PVT1: variants seen among roughly 807,000 people sequenced by gnomAD.
The protein encoded by PVT1 is Pvt1 oncogene.
intron 5 of PVT1, among the ~76,000 whole-genome samples, chr8:128,094,474 G>C (rs1239464799): frequency 6.6e-6 from 1 of 152,202 alleles, no homozygotes; most frequent in African/African-American, 2.4e-5. Context: ...GGTGTGTGCA[G>C]AGCTTTCACT....
chr8:127,872,451 T>C (rs569242272), intron 2 of PVT1, among the ~76,000 whole-genome samples: 46 of 152,202 alleles, frequency 3.0e-4, no homozygotes, highest in Middle Eastern at 3.4e-3. Flanking sequence ...AATTGGATTG[T>C]TCGTAACACA....
chr8:127,813,551 C>T (rs907130447), intron 2 of PVT1, among the ~76,000 whole-genome samples: 3 of 152,158 alleles, frequency 2.0e-5, no homozygotes, highest in African/African-American at 7.2e-5. Flanking sequence ...GACCCATGTC[C>T]GCTTTTGTCT....
intron 3 of PVT1, among the ~76,000 whole-genome samples, chr8:127,944,399 G>T (rs952135043): frequency 5.9e-5 from 9 of 152,268 alleles, no homozygotes; most frequent in Admixed American, 5.9e-4. Flanking sequence ...CCACTTGCTA[G>T]CCATGGTGAG....
At chr8:128,028,934 C>T (rs1310774933) in intron 4 of PVT1, among the ~76,000 whole-genome samples, 1 of 152,158 alleles carries the variant, frequency 6.6e-6, no homozygotes, top group East Asian at 1.9e-4. Flanking sequence ...CCTTGACCTC[C>T]TGGGCTCAAG....
At chr8:127,836,859 G>A (rs576339266) in intron 2 of PVT1, among the ~76,000 whole-genome samples, 12 of 152,226 alleles carry the variant, frequency 7.9e-5, no homozygotes, top group Non-Finnish European at 1.0e-4. Context: ...GCACTGCACC[G>A]AGAGGGGCTG....
chr8:127,848,608 G>A (rs1334314393), intron 2 of PVT1, among the ~76,000 whole-genome samples: 3 of 152,096 alleles, frequency 2.0e-5, no homozygotes, highest in African/African-American at 7.2e-5. Flanking sequence ...GCTTGAACCC[G>A]GGAGGCAGAG....
At chr8:128,001,825 C>T (rs145898289) in intron 4 of PVT1, among the ~76,000 whole-genome samples, 2 of 152,292 alleles carry the variant, frequency 1.3e-5, no homozygotes, top group African/African-American at 4.8e-5. Flanking sequence ...ACCGCGTCCT[C>T]ACATGGAGGA....
Position 127,797,682 on chromosome 8 carries a change from G to A in PVT1, n.372+1611G>A, listed in dbSNP as rs183505230. ...ACAATAATAGTGCATGTATAACATG[G>A]ACATTGTTTATCACGCAAAGCATGT... On this transcript the variant is annotated intron_variant and non_coding_transcript_variant, in intron 2 of 10. Coordinates refer to ENST00000651587, the Ensembl canonical transcript of PVT1. 2.6e-5 allele frequency among the ~76,000 whole-genome samples: 4 copies of A among 152,202 alleles called. No individual in the cohort carries two copies. The East Asian group carries it at 7.7e-4, about 29-fold the overall frequency.
chr8:128,041,898 T>C (rs1317316681), intron 4 of PVT1, among the ~76,000 whole-genome samples: 4 of 152,228 alleles, frequency 2.6e-5, no homozygotes, highest in African/African-American at 9.6e-5. Flanking sequence ...TGACTGATGC[T>C]TTGCAGTTCC....
intron 3 of PVT1, among the ~76,000 whole-genome samples, chr8:127,936,487 G>A (rs1353639754): frequency 6.6e-6 from 1 of 152,284 alleles, no homozygotes; most frequent in African/African-American, 2.4e-5. Flanking sequence ...GAAAGGTGGT[G>A]CTGGGTGTGG....
At chr8:127,877,890 C>T (rs1299398545) in intron 2 of PVT1, among the ~76,000 whole-genome samples, 7 of 152,292 alleles carry the variant, frequency 4.6e-5, no homozygotes, top group Middle Eastern at 3.4e-3. Context: ...CACGCCACTG[C>T]ACTCCAGCCT....
At chr8:127,874,157 G>A (rs546123798) in intron 2 of PVT1, among the ~76,000 whole-genome samples, 22 of 152,252 alleles carry the variant, frequency 1.4e-4, no homozygotes, top group African/African-American at 5.3e-4. Flanking sequence ...TGCATCTTGG[G>A]GTGCAGTGCT....
intron 4 of PVT1, among the ~76,000 whole-genome samples, chr8:127,991,535 C>T (rs1367259824): frequency 1.3e-5 from 2 of 152,072 alleles, no homozygotes; most frequent in African/African-American, 4.8e-5. Flanking sequence ...CCTGCTGCAC[C>T]TGGAGGGCTG....
intron 2 of PVT1, among the ~76,000 whole-genome samples, chr8:127,835,415 G>A (rs779627663): frequency 4.6e-5 from 7 of 151,762 alleles, no homozygotes; most frequent in African/African-American, 7.3e-5. Flanking sequence ...ATGGACACAG[G>A]GAGGGGAACA....
At chr8:127,815,586 A>G (rs560923439) in intron 2 of PVT1, among the ~76,000 whole-genome samples, 1 of 152,228 alleles carries the variant, frequency 6.6e-6, no homozygotes, top group East Asian at 1.9e-4. Flanking sequence ...CCACTTTGCA[A>G]ATATGGAAGG....
At position 127,852,918 on chromosome 8, in the gene PVT1, C is replaced by T. The variant is rs186055261; in HGVS notation, n.373-37671C>T. On this transcript the variant is annotated intron_variant and non_coding_transcript_variant, in intron 2 of 10. Coordinates refer to ENST00000651587, the Ensembl canonical transcript of PVT1. ...GGCGCCTTGCACTGGGTCCAGCTGA[C>T]GTGGAGAGAGACTCAGGAAACAGTG... is the stretch of plus-strand genomic sequence containing the variant. Among the ~76,000 whole-genome samples the T allele has an allele frequency of 5.6e-4, 85 of 152,268 alleles. No individual in the cohort carries two copies. The East Asian group carries it at 0.015, about 28-fold the overall frequency.
rs1815105627 is a variant in PVT1 at position 127,851,376 on chromosome 8, A to G, written n.373-39213A>G. ...AGAGAATCTTGAGTTTCTAATGCAA[A>G]TTCAGTTCCAAGCAGTGTGACCTGG... On this transcript the variant is annotated intron_variant and non_coding_transcript_variant, in intron 2 of 10. Transcript: ENST00000651587. Among the ~76,000 whole-genome samples the G allele has an allele frequency of 2.0e-5, 3 of 152,132 alleles. No individual in the cohort carries two copies. In the South Asian group the frequency reaches 6.2e-4, roughly 32 times the overall value.
chr8:128,089,678 A>C (rs1421014279), intron 5 of PVT1, among the ~76,000 whole-genome samples: 1 of 152,222 alleles, frequency 6.6e-6, no homozygotes. Context: ...GGGGGGGGTC[A>C]TAATTGGAAA....
intron 4 of PVT1, among the ~76,000 whole-genome samples, chr8:127,991,145 T>C (rs1472458210): frequency 1.4e-4 from 11 of 79,166 alleles, no homozygotes; most frequent in South Asian, 1.0e-3. Flanking sequence ...TCTTTCTTTT[T>C]TTTTTTTTTT....
Sources: allele counts gnomAD v4.1 joint callset (sites outside exome capture counted in the v4.1 genomes callset), GRCh38; gene constraint gnomAD v4.1.1; transcripts MANE v1.5; gene names NCBI Gene and HGNC (gene_info 2026-07-23, HGNC 2026-07-21).